The following RERE variants were observed in gnomAD, a reference collection of about 807,000 sequenced individuals.
RERE encodes the protein arginine-glutamic acid dipeptide repeats.
In RERE, 40 loss-of-function variants were observed where a neutral mutation model predicts 146.1. That is an observed-to-expected ratio of 0.27 (90% CI 0.21 to 0.36). The LOEUF is 0.36. RERE is among the 10% of genes least tolerant of loss of function. RERE has a pLI of 1.00. For missense variants in RERE, 1,933 were observed against 2,138.7 expected, an observed-to-expected ratio of 0.90 and a Z score of 1.90; for synonymous variants, 1,003 against 866.0, an observed-to-expected ratio of 1.16 and a Z score of -2.78.
intron 12 of RERE, among the ~76,000 whole-genome samples, chr1:8,375,949 CATCTTT>C (rs1247554873): frequency 6.6e-6 from 1 of 152,154 alleles, no homozygotes; most frequent in Non-Finnish European, 1.5e-5. Context: ...ACTTTATCTT[CATCTTT>C]ATTTATATTT....
intron 1 of RERE, among the ~76,000 whole-genome samples, chr1:8,798,216 G>T (rs1347502812): frequency 6.6e-6 from 1 of 152,066 alleles, no homozygotes. Flanking sequence ...CCAACAAGGC[G>T]AAACCCGGTC....
intron 6 of RERE, among the ~76,000 whole-genome samples, chr1:8,545,643 A>T (rs1645849748): frequency 6.7e-6 from 1 of 150,332 alleles, no homozygotes; most frequent in Non-Finnish European, 1.5e-5. Flanking sequence ...CTTAAGAATA[A>T]AAAATTATTA....
chr1:8,652,535 G>A (rs1423331888), intron 2 of RERE, among the ~76,000 whole-genome samples: 1 of 152,186 alleles, frequency 6.6e-6, no homozygotes, highest in African/African-American at 2.4e-5. Context: ...AAAGGACAGA[G>A]GTTTAATTGA....
rs1641223323 is a variant in RERE, at chr1:8,354,781, C to G, written c.*306G>C. On this transcript the variant is annotated 3_prime_UTR_variant, in exon 23 of 23. Transcript: ENST00000400908. ...TGGATTCTAGCACCTACTGAGAAAT[C>G]AAGGAAAAGAAAACTAAAGCCAAAC... The G allele has an allele frequency of 1.5e-5, 6 of 392,206 alleles. No homozygotes were observed. Among genetic ancestry groups the G allele is most frequent in the Non-Finnish European group, 2.7e-5 (6 of 221,682 alleles). 24.3% of individuals were successfully genotyped at this position (392,206 alleles called of 1,614,324 possible).
At chr1:8,559,021 C>A (rs1177797950) in intron 4 of RERE, among the ~76,000 whole-genome samples, 9 of 151,402 alleles carry the variant, frequency 5.9e-5, no homozygotes, top group Non-Finnish European at 1.0e-4. Flanking sequence ...GTCAGGAACT[C>A]CTGACCTCAG....
intron 7 of RERE, among the ~76,000 whole-genome samples, chr1:8,522,457 G>T (rs1347981080): frequency 6.6e-6 from 1 of 152,156 alleles, no homozygotes; most frequent in Non-Finnish European, 1.5e-5. Flanking sequence ...AGAAGGAAAA[G>T]AATCAGGAAA....
chr1:8,650,172 C>T (rs370935134), intron 2 of RERE, among the ~76,000 whole-genome samples: 1 of 152,112 alleles, frequency 6.6e-6, no homozygotes, highest in Non-Finnish European at 1.5e-5. Flanking sequence ...GTTGTGACAA[C>T]GCATGAGATT....
intron 1 of RERE, among the ~76,000 whole-genome samples, chr1:8,806,291 G>A (rs1218663392): frequency 6.6e-6 from 1 of 152,092 alleles, no homozygotes; most frequent in Non-Finnish European, 1.5e-5. Flanking sequence ...CAGCACTTTG[G>A]GAGGCAGAGG....
intron 1 of RERE, among the ~76,000 whole-genome samples, chr1:8,666,006 A>G (rs1638562846): frequency 6.6e-6 from 1 of 152,188 alleles, no homozygotes; most frequent in Non-Finnish European, 1.5e-5. Flanking sequence ...TCACACAACT[A>G]TGTGTGAGAC....
intron 11 of RERE, among the ~76,000 whole-genome samples, chr1:8,444,786 T>G (rs1278612946): frequency 6.6e-6 from 1 of 151,588 alleles, no homozygotes; most frequent in Non-Finnish European, 1.5e-5. Flanking sequence ...TTCCACCATG[T>G]GATGTGGTGT....
At position 8,400,228 on chromosome 1, in the gene RERE, G is replaced by A. The variant is rs866826504; in HGVS notation, c.1284+22499C>T. On this transcript the variant is annotated intron_variant, in intron 12 of 22. Transcript: ENST00000400908. The stretch of plus-strand genomic sequence containing the variant: ...CTTTCCATTCCTGTGTCATATGTGT[G>A]TGTGTGTGTGTGTGTGTGTGTGTGT... Among the ~76,000 whole-genome samples the A allele has an allele frequency of 5.9e-3, 894 of 150,288 alleles. 14 individuals are homozygous for A. Among genetic ancestry groups the A allele is most frequent in the African/African-American group, 0.019 (776 of 40,604 alleles).
chr1:8,709,353 C>G (rs1213898255), intron 1 of RERE, among the ~76,000 whole-genome samples: 1 of 151,572 alleles, frequency 6.6e-6, no homozygotes. Context: ...CTCCTGAGCT[C>G]AAGCAATCCA....
chr1:8,673,816 G>A (rs1638775534), intron 1 of RERE, among the ~76,000 whole-genome samples: 2 of 152,146 alleles, frequency 1.3e-5, no homozygotes, highest in South Asian at 2.1e-4. Context: ...GCCAAGGCAG[G>A]TAGATCACTC....
intron 12 of RERE, among the ~76,000 whole-genome samples, chr1:8,400,472 G>A (rs1643212021): frequency 6.6e-6 from 1 of 151,982 alleles, no homozygotes; most frequent in Non-Finnish European, 1.5e-5. Context: ...GGTTGGTCTT[G>A]AAATTTTGGC....
intron 11 of RERE, among the ~76,000 whole-genome samples, chr1:8,440,653 C>T (rs564201950): frequency 1.3e-5 from 2 of 149,578 alleles, no homozygotes; most frequent in African/African-American, 2.5e-5. Flanking sequence ...TTTGGGAGGC[C>T]GAGGCTGGCG....
chr1:8,602,178 C>T (rs1463142923), intron 4 of RERE, among the ~76,000 whole-genome samples: 2 of 152,116 alleles, frequency 1.3e-5, no homozygotes, highest in African/African-American at 4.8e-5. Flanking sequence ...ATTACAAGGT[C>T]AAGCGATCGA....
chr1:8,605,093 A>T (rs761415333), intron 4 of RERE, among the ~76,000 whole-genome samples: 25 of 152,184 alleles, frequency 1.6e-4, no homozygotes, highest in Non-Finnish European at 3.1e-4. Context: ...TGAAATCTAC[A>T]GTTATTCCCT....
At chr1:8,792,318 C>T (rs891765305) in intron 1 of RERE, 1 of 152,272 alleles carries the variant, frequency 6.6e-6, no homozygotes, top group African/African-American at 2.4e-5. Flanking sequence ...TTGAAATACA[C>T]TATGTAGTTG....
At chr1:8,777,409 T>A (rs1641084765) in intron 1 of RERE, among the ~76,000 whole-genome samples, 1 of 152,088 alleles carries the variant, frequency 6.6e-6, no homozygotes, top group South Asian at 2.1e-4. Context: ...TTAATTTTTA[T>A]AACTTTTTGA....
Sources: gnomAD v4.1 joint callset for allele counts (sites outside exome capture counted in the v4.1 genomes callset) on GRCh38, gnomAD v4.1.1 for gene constraint, MANE v1.5 for transcripts, NCBI Gene and HGNC (gene_info 2026-07-23, HGNC 2026-07-21) for gene names.